Variants in IQCJ observed in about 807,000 individuals in gnomAD.
IQCJ encodes the protein IQ domain-containing protein J.
Under a neutral mutation model 11.0 loss-of-function variants are expected in IQCJ, and 9 were observed. The ratio of observed to expected loss-of-function variants is 0.82; its 90% CI spans 0.49 to 1.43. The LOEUF is 1.43. Among genes scored for constraint, IQCJ ranks in the 40% most tolerant of loss-of-function variants. The probability of loss-of-function intolerance (pLI) is 0.00; values close to 1 mark genes in which losing one functional copy is unlikely to be tolerated. For missense variants in IQCJ, 146 were observed against 133.2 expected (o/e 1.10, Z -0.47); for synonymous variants, 55 against 51.3 (o/e 1.07, Z -0.31).
chr3:159,118,313 A>G (rs1350000581), intron 1 of IQCJ, among the ~76,000 whole-genome samples: 7 of 151,976 alleles, frequency 4.6e-5, no homozygotes, highest in African/African-American at 1.7e-4. Context: ...ACTAGTTGGT[A>G]GATGCTCCCA....
At chr3:159,135,754 T>C (rs1454503238) in intron 1 of IQCJ, among the ~76,000 whole-genome samples, 4 of 152,186 alleles carry the variant, frequency 2.6e-5, no homozygotes, top group African/African-American at 9.7e-5. Flanking sequence ...AAATGTAGTA[T>C]AATTATGTGG....
At chr3:159,117,196 T>C (rs1023673243) in intron 1 of IQCJ, among the ~76,000 whole-genome samples, 2 of 152,152 alleles carry the variant, frequency 1.3e-5, no homozygotes, top group Non-Finnish European at 2.9e-5. Flanking sequence ...GTCACTGCAT[T>C]CTGTAGCCTT....
intron 1 of IQCJ, among the ~76,000 whole-genome samples, chr3:159,243,366 A>G (rs571986367): frequency 1.2e-3 from 188 of 152,318 alleles, no homozygotes; most frequent in African/African-American, 4.4e-3. Flanking sequence ...GGATATGAAC[A>G]CAATTAGAAT....
chr3:159,195,076 A>G (rs1426652115), intron 1 of IQCJ, among the ~76,000 whole-genome samples: 1 of 150,806 alleles, frequency 6.6e-6, no homozygotes. Flanking sequence ...GCGCCATTGC[A>G]CTCTAGCCTG....
At chr3:159,082,179 T>C (rs1716358700) in intron 1 of IQCJ, among the ~76,000 whole-genome samples, 1 of 152,056 alleles carries the variant, frequency 6.6e-6, no homozygotes, top group Admixed American at 6.6e-5. Flanking sequence ...GAAGAATAAA[T>C]AACCAACTTA....
intron 1 of IQCJ, among the ~76,000 whole-genome samples, chr3:159,132,937 C>A (rs954521844): frequency 1.1e-5 from 1 of 86,964 alleles, no homozygotes; most frequent in African/African-American, 2.8e-5. Flanking sequence ...TCTTTCTTTG[C>A]TTTCTTTTCT....
intron 1 of IQCJ, among the ~76,000 whole-genome samples, chr3:159,185,000 G>T (rs568806920): frequency 2.0e-5 from 3 of 152,254 alleles, no homozygotes; most frequent in Admixed American, 2.0e-4. Context: ...TTTAGCTGCT[G>T]GTTTCAAAAT....
chr3:159,070,643 A>G (rs1489498047), intron 1 of IQCJ, among the ~76,000 whole-genome samples: 1 of 152,102 alleles, frequency 6.6e-6, no homozygotes, highest in Non-Finnish European at 1.5e-5. Flanking sequence ...TTTTGAGATC[A>G]ATATTAACTA....
At chr3:159,200,807 T>C (rs1471232576) in intron 1 of IQCJ, among the ~76,000 whole-genome samples, 3 of 152,162 alleles carry the variant, frequency 2.0e-5, no homozygotes, top group Non-Finnish European at 4.4e-5. Flanking sequence ...ACATCTTTAC[T>C]GATTTCTAAA....
chr3:159,169,420 G>T (rs1722370120), intron 1 of IQCJ, among the ~76,000 whole-genome samples: 1 of 151,156 alleles, frequency 6.6e-6, no homozygotes, highest in South Asian at 2.1e-4. Context: ...TGAGTAGCTG[G>T]GATTACAGGC....
chr3:159,134,693 T>G (rs1035885997), intron 1 of IQCJ, among the ~76,000 whole-genome samples: 8 of 152,162 alleles, frequency 5.3e-5, no homozygotes, highest in Non-Finnish European at 1.0e-4. Flanking sequence ...AAACTTATCT[T>G]TCTTGGTAGC....
At chr3:159,188,691 C>CT (rs1723513527) in intron 1 of IQCJ, among the ~76,000 whole-genome samples, 1 of 152,080 alleles carries the variant, frequency 6.6e-6, no homozygotes, top group Admixed American at 6.5e-5. Flanking sequence ...ATTCAGGATA[C>CT]TTTATTACAT....
chr3:159,212,991 G>C (rs1725034468), intron 1 of IQCJ, among the ~76,000 whole-genome samples: 1 of 152,024 alleles, frequency 6.6e-6, no homozygotes, highest in Admixed American at 6.6e-5. Context: ...TTGATATTGG[G>C]TGATTTATTG....
chr3:159,214,572 A>G (rs2108100617), intron 1 of IQCJ, among the ~76,000 whole-genome samples: 1 of 152,268 alleles, frequency 6.6e-6, no homozygotes, highest in Non-Finnish European at 1.5e-5. Flanking sequence ...CAATGACTCA[A>G]TTTCTACATG....
chr3:159,174,818 T>C (rs1476290929), intron 1 of IQCJ, among the ~76,000 whole-genome samples: 10 of 152,198 alleles, frequency 6.6e-5, no homozygotes, highest in Admixed American at 6.5e-4. Flanking sequence ...AGCCATGTTA[T>C]TGAGATAAAT....
At chr3:159,236,856 CGGAT>C (rs1477673235) in intron 1 of IQCJ, among the ~76,000 whole-genome samples, 1 of 151,964 alleles carries the variant, frequency 6.6e-6, no homozygotes, top group African/African-American at 2.4e-5. Flanking sequence ...CATTAAAAAA[CGGAT>C]GGAGGGGAGC....
At chr3:159,112,844 T>A (rs1718721661) in intron 1 of IQCJ, among the ~76,000 whole-genome samples, 2 of 152,098 alleles carry the variant, frequency 1.3e-5, no homozygotes, top group South Asian at 4.1e-4. Context: ...CCAGCAGACC[T>A]GGAGAAAAAT....
intron 1 of IQCJ, among the ~76,000 whole-genome samples, chr3:159,164,494 G>A (rs907321508): frequency 3.5e-4 from 54 of 152,286 alleles, no homozygotes; most frequent in African/African-American, 1.2e-3. Flanking sequence ...CTCTCCAGGC[G>A]CGGTGGCTAA....
chr3:159,185,740 G>C (rs1363464628), intron 1 of IQCJ, among the ~76,000 whole-genome samples: 2 of 151,992 alleles, frequency 1.3e-5, no homozygotes, highest in Non-Finnish European at 2.9e-5. Context: ...TCACTTGCTG[G>C]GGTGCTTCAA....
Sources: allele counts gnomAD v4.1 joint callset (sites outside exome capture counted in the v4.1 genomes callset), GRCh38; gene constraint gnomAD v4.1.1; transcripts MANE v1.5; gene names NCBI Gene and HGNC (gene_info 2026-07-23, HGNC 2026-07-21).